Variants in SLC4A7 observed in about 807,000 individuals in gnomAD.
SLC4A7 encodes sodium bicarbonate cotransporter 3.
A neutral mutation model predicts 137.6 loss-of-function variants in SLC4A7; 51 were observed. The ratio of observed to expected loss-of-function variants is 0.37; its 90% CI spans 0.30 to 0.47. SLC4A7 has a LOEUF of 0.47. Ranked by LOEUF, SLC4A7 falls within the 20% of genes least tolerant of loss-of-function variation. The pLI is 1.00. For missense variants in SLC4A7, 1,247 were observed against 1,525.4 expected (o/e 0.82, Z 3.04); for synonymous variants, 542 against 518.6 (o/e 1.05, Z -0.61).
Position 27,477,773 on chromosome 3 carries a change from C to T in SLC4A7, c.60+6294G>A, listed in dbSNP as rs552158137. Among the ~76,000 whole-genome samples, 4 of 152,212 alleles carry T rather than the reference C, an allele frequency of 2.6e-5. No homozygotes were observed. In the South Asian group the frequency reaches 8.3e-4, roughly 32 times the overall value. On this transcript the variant is annotated intron_variant, in intron 1 of 25. Coordinates refer to ENST00000454389, the MANE Select transcript of SLC4A7 (RefSeq NM_001321103.2). ...GGGATTACAGGCGCACAGCACCACG[C>T]CCTGGTAATTTTTTGTATTTTAGTA...
chr3:27,471,767 A>G (rs2059257756), intron 1 of SLC4A7, among the ~76,000 whole-genome samples: 1 of 152,204 alleles, frequency 6.6e-6, no homozygotes, highest in Non-Finnish European at 1.5e-5. Flanking sequence ...GTTCACGCTA[A>G]TTTGTTTCAG....
intron 1 of SLC4A7, among the ~76,000 whole-genome samples, chr3:27,473,632 C>T (rs564299363): frequency 2.2e-4 from 30 of 139,128 alleles, no homozygotes; most frequent in Non-Finnish European, 3.0e-4. Context: ...TGTTTGAGCC[C>T]GGGGGGTGGA....
At position 27,420,756 on chromosome 3, in the gene SLC4A7, T is replaced by C; in HGVS notation, c.1456A>G (p.Lys486Glu). The change falls in exon 10 of 26, where the codon AAG becomes GAG. Residue 486 changes from lysine (K) to glutamate (E), a missense_variant. Transcript: ENST00000454389. ...FLFLLLGPAG[K>E]APQYHEIGRS... Reference sequence around the variant, plus strand: ...CCAATTTCATGGTACTGTGGTGCCTTGCCCGCTGGACCCAATAACAAAAAC... The same window carrying C: ...CCAATTTCATGGTACTGTGGTGCCTCGCCCGCTGGACCCAATAACAAAAAC... 1 of 1,613,760 alleles carries C rather than the reference T, an allele frequency of 6.2e-7. No homozygotes were observed. Among genetic ancestry groups the C allele is most frequent in the Non-Finnish European group, 8.5e-7 (1 of 1,179,796 alleles).
intron 8 of SLC4A7, among the ~76,000 whole-genome samples, chr3:27,422,346 A>C (rs2055065632): frequency 6.6e-6 from 1 of 152,118 alleles, no homozygotes; most frequent in South Asian, 2.1e-4. Context: ...AGCTCACTGT[A>C]AACCTCAAAA....
chr3:27,418,436 A>T (rs761181237), intron 11 of SLC4A7, 50 bp downstream of exon 11: 2 of 1,506,012 alleles, frequency 1.3e-6, no homozygotes, highest in Non-Finnish European at 1.8e-6. Flanking sequence ...AATCAAAAAA[A>T]ATTTTATTAA....
intron 3 of SLC4A7, among the ~76,000 whole-genome samples, chr3:27,443,029 T>TC (rs1323689715): frequency 5.5e-5 from 7 of 127,972 alleles, no homozygotes; most frequent in Non-Finnish European, 1.0e-4. Flanking sequence ...TTTTTCTTTT[T>TC]TTCTTTTTTT....
intron 8 of SLC4A7, among the ~76,000 whole-genome samples, chr3:27,422,485 G>A (rs936029282): frequency 1.3e-5 from 2 of 152,026 alleles, no homozygotes; most frequent in Non-Finnish European, 2.9e-5. Flanking sequence ...TGCCCAGGCT[G>A]GTCTTGAACT....
intron 1 of SLC4A7, among the ~76,000 whole-genome samples, chr3:27,461,855 G>C (rs530936401): frequency 6.6e-6 from 1 of 151,428 alleles, no homozygotes; most frequent in Admixed American, 6.6e-5. Context: ...CTGGCTACAC[G>C]AGAGGCTGAA....
At chr3:27,377,565 G>T (rs1273902431) in intron 25 of SLC4A7, among the ~76,000 whole-genome samples, 4 of 152,052 alleles carry the variant, frequency 2.6e-5, no homozygotes, top group Non-Finnish European at 5.9e-5. Flanking sequence ...GCTAATTTTT[G>T]TAGTTTTAGT....
At chr3:27,424,180 G>A in intron 7 of SLC4A7, 28 bp from the exon 8 acceptor site, 1 of 1,215,004 alleles carries the variant, frequency 8.2e-7, no homozygotes, top group Non-Finnish European at 1.2e-6. Flanking sequence ...TTCCAAATTA[G>A]TAAGGAGAAA....
rs1309104467 is a variant in SLC4A7, at chr3:27,373,910, A to G, written c.*2854T>C. 1 of 152,580 alleles carries G rather than the reference A, an allele frequency of 6.6e-6. No individual in the cohort carries two copies. Among genetic ancestry groups the G allele is most frequent in the Non-Finnish European group, 1.5e-5 (1 of 67,962 alleles). The allele number at this position is 152,580 out of a possible 1,614,324, so 9.5% of individuals were successfully genotyped here. A position where few individuals can be genotyped will look rare whatever the true frequency, so the allele number is the denominator to read the frequency against. On this transcript the variant is annotated 3_prime_UTR_variant, in exon 26 of 26. Transcript: ENST00000454389. ...GCAAATATGAACAATGGGATGCCAC[A>G]GCTTTTTAAAACAACTTTTAACAGA...
chr3:27,375,095 A>T lies in SLC4A7; in HGVS notation c.*1669T>A, dbSNP rs561731377. On this transcript the variant is annotated 3_prime_UTR_variant, in exon 26 of 26. Transcript: ENST00000454389. ...TCCATCATTTTAACAAGACTCTTAC[A>T]ATATGGTCTTAGAGGAGGACATTAC... The T allele has an allele frequency of 5.9e-5, 9 of 152,182 alleles. No individual in the cohort carries two copies. Among genetic ancestry groups the T allele is most frequent in the African/African-American group, 2.2e-4 (9 of 41,578 alleles). The allele number at this position is 152,182 out of a possible 1,614,324, so 9.4% of individuals were successfully genotyped here. A position where few individuals can be genotyped will look rare whatever the true frequency, so the allele number is the denominator to read the frequency against.
Position 27,374,768 on chromosome 3 carries a change from G to A in SLC4A7, c.*1996C>T, listed in dbSNP as rs2049788138. ...AATTTCTTCCTGTAAAGTAAGTACAGTTGTTACCCCTGATGTCCAGACACA... is the reference window on the plus strand; with the variant it reads ...AATTTCTTCCTGTAAAGTAAGTACAATTGTTACCCCTGATGTCCAGACACA... On this transcript the variant is annotated 3_prime_UTR_variant, in exon 26 of 26. Coordinates refer to ENST00000454389, the MANE Select transcript of SLC4A7 (RefSeq NM_001321103.2). The A allele has an allele frequency of 6.6e-6, 1 of 152,660 alleles. No individual in the cohort carries two copies. Among genetic ancestry groups the A allele is most frequent in the African/African-American group, 2.4e-5 (1 of 41,588 alleles). 9.5% of individuals were successfully genotyped at this position (152,660 alleles called of 1,614,324 possible).
chr3:27,408,441 T>TAA (rs2053593117), intron 13 of SLC4A7, among the ~76,000 whole-genome samples: 1 of 152,226 alleles, frequency 6.6e-6, no homozygotes, highest in African/African-American at 2.4e-5. Flanking sequence ...AAAAAGATTT[T>TAA]ACATAATCCA....
chr3:27,420,868 C>G (rs1169430430), intron 9 of SLC4A7, 81 bp from the exon 10 acceptor site: 5 of 894,932 alleles, frequency 5.6e-6, no homozygotes, highest in Non-Finnish European at 8.7e-6. Flanking sequence ...AGAAACCATT[C>G]AAATATAAAC....
At chr3:27,482,365 A>G (rs1011670462) in intron 1 of SLC4A7, among the ~76,000 whole-genome samples, 4 of 152,214 alleles carry the variant, frequency 2.6e-5, no homozygotes, top group African/African-American at 9.6e-5. Context: ...GAAAACTCGA[A>G]TGCACTTTAC....
intron 1 of SLC4A7, among the ~76,000 whole-genome samples, chr3:27,464,326 GATCT>G (rs1455919636): frequency 1.3e-5 from 2 of 152,202 alleles, no homozygotes; most frequent in East Asian, 1.9e-4. Flanking sequence ...AGAGATTAAA[GATCT>G]ATTAATTCAA....
chr3:27,460,190 C>T (rs1019988687), intron 1 of SLC4A7, among the ~76,000 whole-genome samples: 3 of 152,006 alleles, frequency 2.0e-5, no homozygotes, highest in South Asian at 2.1e-4. Flanking sequence ...TCCACCACTA[C>T]GCTCAGCTAA....
chr3:27,427,145 C>T (rs2055722202), intron 7 of SLC4A7, among the ~76,000 whole-genome samples: 1 of 152,110 alleles, frequency 6.6e-6, no homozygotes. Context: ...CTCGGGGGTG[C>T]TGCAGGCAGC....
Sources: allele counts gnomAD v4.1 joint callset (sites outside exome capture counted in the v4.1 genomes callset), GRCh38; gene constraint gnomAD v4.1.1; transcripts MANE v1.5; gene names NCBI Gene and HGNC (gene_info 2026-07-23, HGNC 2026-07-21).